KCNQ1: variants seen among roughly 807,000 people sequenced by gnomAD.
KCNQ1 encodes the protein potassium voltage-gated channel subfamily KQT member 1.
In KCNQ1, 49 loss-of-function variants were observed where a neutral mutation model predicts 72.4. The observed-to-expected ratio is 0.68, with a 90% CI of 0.54 to 0.86. The LOEUF is 0.86. Ranked by LOEUF, KCNQ1 falls within the 40% of genes least tolerant of loss-of-function variation. The pLI is 0.00. For synonymous variants in KCNQ1, 450 were observed against 412.6 expected (o/e 1.09, Z -1.10); for missense variants, 790 against 945.1 (o/e 0.84, Z 2.15).
rs1199087778 is a variant in KCNQ1, at chr11:2,464,330, A to T, written c.386+18846A>T. Among the ~76,000 whole-genome samples, 1 of 152,234 alleles carries T rather than the reference A, an allele frequency of 6.6e-6. No individual in the cohort carries two copies. The highest frequency in any genetic ancestry group is 1.5e-5 in the Non-Finnish European group (1 of 68,040). On this transcript the variant is annotated intron_variant, in intron 1 of 15. Coordinates refer to ENST00000155840, the MANE Select transcript of KCNQ1 (RefSeq NM_000218.3). This position sits in a 1 kb window ranked among gnomAD's most constrained non-coding sequence, Gnocchi z 5.0. ...TCATCTGAATTTTCTAATTAAAAATATATTGCTTTTTAAAAATAATAAAAG... is the reference window on the plus strand; with the variant it reads ...TCATCTGAATTTTCTAATTAAAAATTTATTGCTTTTTAAAAATAATAAAAG...
At position 2,464,861 on chromosome 11, in the gene KCNQ1, CTT is replaced by C. The variant is rs1401394689; in HGVS notation, c.386+19380_386+19381del. Among the ~76,000 whole-genome samples, 1 of 152,172 alleles carries C rather than the reference CTT, an allele frequency of 6.6e-6. No individual in the cohort carries two copies. Among genetic ancestry groups the C allele is most frequent in the African/African-American group, 2.4e-5 (1 of 41,422 alleles). Reference sequence around the variant, plus strand: ...GGAGTCCACAGGGCGCTTCTCTTCTCTTTTCCTGTGTGTTAAGGTAGTTCAAA... The same window carrying C: ...GGAGTCCACAGGGCGCTTCTCTTCTCTTCCTGTGTGTTAAGGTAGTTCAAA... On this transcript the variant is annotated intron_variant, in intron 1 of 15. Coordinates refer to ENST00000155840, the MANE Select transcript of KCNQ1 (RefSeq NM_000218.3). The surrounding 1 kb of genome is among the most constrained non-coding windows in gnomAD (Gnocchi z 5.0).
At chr11:2,675,359 C>T (rs140623345) in intron 11 of KCNQ1, 7 of 398,376 alleles carry the variant, frequency 1.8e-5, no homozygotes, top group African/African-American at 4.1e-5. Flanking sequence ...GTTTAAAACA[C>T]GTGTGTGCAT....
At chr11:2,823,739 A>G (rs1222294046) in intron 15 of KCNQ1, among the ~76,000 whole-genome samples, 1 of 152,254 alleles carries the variant, frequency 6.6e-6, no homozygotes, top group African/African-American at 2.4e-5. Flanking sequence ...AGAGCAGAGA[A>G]GCAGGAGAAC....
chr11:2,539,655 C>T (rs1331381985), intron 2 of KCNQ1, among the ~76,000 whole-genome samples: 2 of 152,222 alleles, frequency 1.3e-5, no homozygotes, highest in East Asian at 1.9e-4. Context: ...CTCTCCCAGG[C>T]CAGTTCCCGT....
In KCNQ1 at chr11:2,748,782, G is replaced by A. The variant is rs939011383; in HGVS notation, c.1515-20062G>A. The stretch of plus-strand genomic sequence containing the variant: ...AGGCTAGGCCTTTCTTGAACTCACT[G>A]TGAGCTACAGAGACTGTGTTCTGGC... On this transcript the variant is annotated intron_variant, in intron 11 of 15. Coordinates refer to ENST00000155840, the MANE Select transcript of KCNQ1 (RefSeq NM_000218.3). The surrounding 1 kb of genome is among the most constrained non-coding windows in gnomAD (Gnocchi z 6.2). Among the ~76,000 whole-genome samples the A allele has an allele frequency of 6.6e-6, 1 of 152,204 alleles. No homozygotes were observed. Among genetic ancestry groups the A allele is most frequent in the African/African-American group, 2.4e-5 (1 of 41,452 alleles).
rs1002465547 is a variant in KCNQ1 at position 2,563,408 on chromosome 11, G to A, written c.478-7220G>A. Among the ~76,000 whole-genome samples the A allele has an allele frequency of 6.6e-6, 1 of 152,202 alleles. No individual in the cohort carries two copies. The highest frequency in any genetic ancestry group is 2.4e-5 in the African/African-American group (1 of 41,436). On this transcript the variant is annotated intron_variant, in intron 2 of 15. Transcript: ENST00000155840. This position sits in a 1 kb window ranked among gnomAD's most constrained non-coding sequence, Gnocchi z 7.4. ...ACCCTTGCTGGCCCTCCGGCTTCGG[G>A]CAGGTCTCCTCTTTATGCCACTGTA...
At chr11:2,542,617 C>T (rs1036006423) in intron 2 of KCNQ1, among the ~76,000 whole-genome samples, 20 of 152,228 alleles carry the variant, frequency 1.3e-4, no homozygotes, top group African/African-American at 4.8e-4. Context: ...GCCCCTCCTC[C>T]GCTGCTCCTG....
At position 2,486,922 on chromosome 11, in the gene KCNQ1, T is replaced by A. The variant is rs1240078089; in HGVS notation, c.387-41006T>A. ...GGAGGGGACAAATATCTGAACTCTATCAATGTTATATCCAAGAAATCATAG... is the reference window on the plus strand; with the variant it reads ...GGAGGGGACAAATATCTGAACTCTAACAATGTTATATCCAAGAAATCATAG... On this transcript the variant is annotated intron_variant, in intron 1 of 15. Transcript: ENST00000155840. This position sits in a 1 kb window ranked among gnomAD's most constrained non-coding sequence, Gnocchi z 5.0. 1.3e-5 allele frequency among the ~76,000 whole-genome samples: 2 copies of A among 152,178 alleles called. No individual in the cohort carries two copies. The highest frequency in any genetic ancestry group is 2.9e-5 in the Non-Finnish European group (2 of 68,028).
At position 2,605,558 on chromosome 11, in the gene KCNQ1, A is replaced by G. The variant is rs182775196; in HGVS notation, c.1393+16704A>G. Among the ~76,000 whole-genome samples, 612 of 152,316 alleles carry G rather than the reference A, an allele frequency of 4.0e-3. 17 individuals carry two copies. The highest frequency in any genetic ancestry group is 0.029 in the Admixed American group (451 of 15,292). On this transcript the variant is annotated intron_variant, in intron 10 of 15. Coordinates refer to ENST00000155840, the MANE Select transcript of KCNQ1 (RefSeq NM_000218.3). The stretch of plus-strand genomic sequence containing the variant: ...TCAAAAGACTATTCTTTCCGCATTG[A>G]ACATTCTTGGCATCCTTGTCAAAAA...
At position 2,724,631 on chromosome 11, in the gene KCNQ1, A is replaced by T. The variant is rs1845725942; in HGVS notation, c.1515-44213A>T. On this transcript the variant is annotated intron_variant, in intron 11 of 15. Coordinates refer to ENST00000155840, the MANE Select transcript of KCNQ1 (RefSeq NM_000218.3). This position sits in a 1 kb window ranked among gnomAD's most constrained non-coding sequence, Gnocchi z 6.8. ...TCCCCTTGGGTGCCATTGCAGCTGC[A>T]CCCAAGCCTTGCCCTTCCCTCTCAC... Among the ~76,000 whole-genome samples, 1 of 152,138 alleles carries T rather than the reference A, an allele frequency of 6.6e-6. No homozygotes were observed. Among genetic ancestry groups the T allele is most frequent in the Non-Finnish European group, 1.5e-5 (1 of 68,010 alleles).
chr11:2,456,718 G>A lies in KCNQ1; in HGVS notation c.386+11234G>A, dbSNP rs186475077. Reference sequence around the variant, plus strand: ...GGGCAGATCACCAGGTCAGGAGATCGAGACCATCCTGGCTAACATGGTGAA... The same window carrying A: ...GGGCAGATCACCAGGTCAGGAGATCAAGACCATCCTGGCTAACATGGTGAA... On this transcript the variant is annotated intron_variant, in intron 1 of 15. Transcript: ENST00000155840. Among the ~76,000 whole-genome samples, 325 of 142,256 alleles carry A rather than the reference G, an allele frequency of 2.3e-3. 7 individuals carry two copies. The highest frequency in any genetic ancestry group is 0.017 in the Admixed American group (233 of 13,680). The allele number at this position is 142,256 out of a possible 152,430, so 93.3% of individuals were successfully genotyped here. A position where few individuals can be genotyped will look rare whatever the true frequency, so the allele number is the denominator to read the frequency against.
In KCNQ1 at chr11:2,664,636, C is replaced by T. The variant is rs1181646488; in HGVS notation, c.1514+2555C>T. The T allele has an allele frequency of 2.3e-5, 9 of 398,614 alleles. No individual in the cohort carries two copies. The highest frequency in any genetic ancestry group is 3.5e-5 in the Non-Finnish European group (8 of 226,194). 24.7% of individuals were successfully genotyped at this position (398,614 alleles called of 1,614,324 possible). On this transcript the variant is annotated intron_variant, in intron 11 of 15. Transcript: ENST00000155840. This position sits in a 1 kb window ranked among gnomAD's most constrained non-coding sequence, Gnocchi z 5.1. ...GCCCAGTGATGCCCATAATTAAATT[C>T]GGCTCCAGCTGCTCAGGGATGCAGC...
In KCNQ1 at chr11:2,848,053, G is replaced by A. The variant is rs1168698237; in HGVS notation, c.*50G>A. ...GCCTGAGTGAGAGGGGAGGCCAAGA[G>A]TGGCCCCACCTGGCCCTCTCTGAAG... On this transcript the variant is annotated 3_prime_UTR_variant, in exon 16 of 16. Coordinates refer to ENST00000155840, the MANE Select transcript of KCNQ1 (RefSeq NM_000218.3). 5.4e-6 allele frequency: 8 copies of A among 1,472,524 alleles called. No individual in the cohort carries two copies. The highest frequency in any genetic ancestry group is 7.4e-6 in the Non-Finnish European group (8 of 1,086,012). 91.2% of individuals were successfully genotyped at this position (1,472,524 alleles called of 1,614,324 possible).
chr11:2,577,205 G>A (rs774396923), intron 6 of KCNQ1, among the ~76,000 whole-genome samples: 8 of 152,228 alleles, frequency 5.3e-5, no homozygotes, highest in Non-Finnish European at 1.2e-4. Flanking sequence ...GCCAGGCACC[G>A]GCAGGGGTTC....
intron 10 of KCNQ1, chr11:2,609,752 A>G (rs1179824706): frequency 2.5e-6 from 1 of 398,164 alleles, no homozygotes; most frequent in East Asian, 3.6e-5. Context: ...TCATGAATTG[A>G]CATTTTATCA....
intron 10 of KCNQ1, chr11:2,640,288 T>C (rs1468244280): frequency 5.0e-5 from 20 of 398,032 alleles, no homozygotes; most frequent in Admixed American, 1.3e-4. Context: ...ATCACCCATC[T>C]TCTGCGTCAC....
chr11:2,831,448 C>T lies in KCNQ1; in HGVS notation c.1795-16319C>T, dbSNP rs1002913996. On this transcript the variant is annotated intron_variant, in intron 15 of 15. Coordinates refer to ENST00000155840, the MANE Select transcript of KCNQ1 (RefSeq NM_000218.3). ...GGTGCTTCTGCCTCCAGGAAGCCCT[C>T]CCTGACTGTGGAGACACAAGAAGCT... 2.6e-5 allele frequency among the ~76,000 whole-genome samples: 4 copies of T among 152,204 alleles called. No individual in the cohort carries two copies. The South Asian group carries it at 6.2e-4, about 24-fold the overall frequency.
Position 2,595,063 on chromosome 11 carries a change from A to G in KCNQ1, c.1393+6209A>G, listed in dbSNP as rs944277827. Among the ~76,000 whole-genome samples the G allele has an allele frequency of 3.3e-5, 5 of 152,228 alleles. No homozygotes were observed. The highest frequency in any genetic ancestry group is 1.2e-4 in the African/African-American group (5 of 41,462). The stretch of plus-strand genomic sequence containing the variant: ...CCCAGTGAACCAATCCAGGACCTTC[A>G]TGATCCATGTTTTAGATATGGGATC... On this transcript the variant is annotated intron_variant, in intron 10 of 15. Transcript: ENST00000155840. The surrounding 1 kb of genome is among the most constrained non-coding windows in gnomAD (Gnocchi z 5.0).
chr11:2,730,027 C>A (rs1391074415), intron 11 of KCNQ1, among the ~76,000 whole-genome samples: 2 of 152,144 alleles, frequency 1.3e-5, no homozygotes, highest in African/African-American at 4.8e-5. Context: ...AGCAAGGAGA[C>A]CCATGTGCTG....
Sources: allele counts gnomAD v4.1 joint callset (sites outside exome capture counted in the v4.1 genomes callset), GRCh38; gene constraint gnomAD v4.1.1; non-coding constraint Gnocchi (gnomAD v3.1); transcripts MANE v1.5; gene names NCBI Gene and HGNC (gene_info 2026-07-23, HGNC 2026-07-21).